Variants in PIWIL1 observed in about 807,000 individuals in gnomAD.
PIWIL1 encodes piwi-like protein 1.
A neutral mutation model predicts 114.4 loss-of-function variants in PIWIL1; 73 were observed. That is an observed-to-expected ratio of 0.64 (90% CI 0.53 to 0.78). The LOEUF is 0.78. PIWIL1 is among the 30% of genes least tolerant of loss of function. The probability of loss-of-function intolerance (pLI) is 0.00; values close to 1 mark genes in which losing one functional copy is unlikely to be tolerated. For synonymous variants in PIWIL1, 375 were observed against 369.0 expected (o/e 1.02, Z -0.19); for missense variants, 723 against 1,063.1 (o/e 0.68, Z 4.45).
chr12:130,399,950 G>A, the PIWIL1 span: 2 of 983,250 alleles, frequency 2.0e-6, no homozygotes, highest in Non-Finnish European at 2.9e-6. Flanking sequence ...GACTTGAAAG[G>A]ACTCTAAATC....
At chr12:130,422,657 GTAAAGGCAAC>G in the PIWIL1 span, 6 of 857,264 alleles carry the variant, frequency 7.0e-6, no homozygotes, top group African/African-American at 1.7e-5. This position sits in a 1 kb window ranked among gnomAD's most constrained non-coding sequence, Gnocchi z 5.2. Flanking sequence ...AGCAGAATCT[GTAAAGGCAAC>G]TAAACTTAGC....
chr12:130,371,714 T>C lies in PIWIL1; in HGVS notation c.*116T>C, dbSNP rs1193847392. On this transcript the variant is annotated 3_prime_UTR_variant, in exon 21 of 21. Coordinates refer to ENST00000245255, the MANE Select transcript of PIWIL1 (RefSeq NM_004764.5). ...TCTGGATGAAACTTGGGAAGGGGATTAGGAGATCTAGCATTTTATTTCTAG... is the reference window on the plus strand; with the variant it reads ...TCTGGATGAAACTTGGGAAGGGGATCAGGAGATCTAGCATTTTATTTCTAG... The C allele has an allele frequency of 3.3e-6, 2 of 604,496 alleles. No homozygotes were observed. The highest frequency in any genetic ancestry group is 3.8e-5 in the African/African-American group (2 of 53,054). 37.4% of individuals were successfully genotyped at this position (604,496 alleles called of 1,614,324 possible).
At chr12:130,416,453 G>T in the PIWIL1 span, among the ~76,000 whole-genome samples, 977 of 152,278 alleles carry the variant, frequency 6.4e-3, 29 homozygotes, top group Admixed American at 0.054. Context: ...TGACAAAGCT[G>T]AGAAAAATAA....
intron 3 of PIWIL1, among the ~76,000 whole-genome samples, chr12:130,343,704 C>A (rs1345581552): frequency 6.7e-6 from 1 of 149,060 alleles, no homozygotes; most frequent in Non-Finnish European, 1.5e-5. Context: ...CTGCTCACTG[C>A]AGACTCCACC....
chr12:130,374,383 A>G (rs2073850362), downstream of PIWIL1, among the ~76,000 whole-genome samples: 1 of 152,260 alleles, frequency 6.6e-6, no homozygotes, highest in African/African-American at 2.4e-5. Context: ...ATTCAGATAC[A>G]AGATTTCAAA....
chr12:130,376,242 TTTTG>T (rs2073865383), downstream of PIWIL1, among the ~76,000 whole-genome samples: 1 of 152,206 alleles, frequency 6.6e-6, no homozygotes, highest in Non-Finnish European at 1.5e-5. Flanking sequence ...GACACAGAGA[TTTTG>T]TTTATGTGAA....
downstream of PIWIL1, among the ~76,000 whole-genome samples, chr12:130,374,367 A>G (rs1273132427): frequency 6.6e-6 from 1 of 152,202 alleles, no homozygotes; most frequent in Non-Finnish European, 1.5e-5. Flanking sequence ...TGTAATTGGT[A>G]TTGTCATTCA....
chr12:130,390,591 A>G, the PIWIL1 span, among the ~76,000 whole-genome samples: 1 of 152,186 alleles, frequency 6.6e-6, no homozygotes, highest in South Asian at 2.1e-4. Flanking sequence ...CTTTGGAATT[A>G]GAGCTTGGGC....
At chr12:130,360,326 C>T (rs2073473280) in intron 14 of PIWIL1, among the ~76,000 whole-genome samples, 1 of 152,116 alleles carries the variant, frequency 6.6e-6, no homozygotes, top group Non-Finnish European at 1.5e-5. Context: ...AATTGGAGAA[C>T]ATGGCAATGA....
chr12:130,361,720 C>T (rs1025569407), intron 16 of PIWIL1, 119 bp downstream of exon 16: 15 of 736,366 alleles, frequency 2.0e-5, no homozygotes, highest in Middle Eastern at 3.3e-4. Context: ...TATACAGCAA[C>T]GAATTTAGGA....
the PIWIL1 span, chr12:130,397,408 G>A: frequency 2.5e-6 from 1 of 399,072 alleles, no homozygotes; most frequent in Non-Finnish European, 4.4e-6. Context: ...CCTTTGGAAA[G>A]CAGCCCCTTT....
intron 13 of PIWIL1, 51 bp downstream of exon 13, chr12:130,357,156 G>T: frequency 1.4e-6 from 2 of 1,446,236 alleles, no homozygotes; most frequent in Non-Finnish European, 1.9e-6. Context: ...CAGTCATTTG[G>T]AGGGGTGGGA....
chr12:130,383,078 A>G, the PIWIL1 span, among the ~76,000 whole-genome samples: 2 of 152,354 alleles, frequency 1.3e-5, no homozygotes, highest in African/African-American at 4.8e-5. Context: ...CAGCTTTTAT[A>G]TATCAAGTCT....
At chr12:130,361,660 T>C (rs2073512473) in intron 16 of PIWIL1, 59 bp downstream of exon 16, 1 of 1,308,920 alleles carries the variant, frequency 7.6e-7, no homozygotes, top group Non-Finnish European at 1.1e-6. Flanking sequence ...GTTCTGGAGG[T>C]TCAGGAGTAG....
chr12:130,361,168 C>T lies in PIWIL1; in HGVS notation c.1666-12C>T. On this transcript the variant is annotated splice_polypyrimidine_tract_variant and intron_variant, in intron 14 of 20. Coordinates refer to ENST00000245255, the MANE Select transcript of PIWIL1 (RefSeq NM_004764.5). The stretch of plus-strand genomic sequence containing the variant: ...CTCCTAATTCTTTGTAACAAGGGCA[C>T]TTTGTTTTCAGGTTGTCTGTCTGTT... The T allele has an allele frequency of 1.2e-6, 2 of 1,613,740 alleles. No homozygotes were observed. Among genetic ancestry groups the T allele is most frequent in the South Asian group, 2.2e-5 (2 of 91,000 alleles).
chr12:130,415,949 T>C, the PIWIL1 span, among the ~76,000 whole-genome samples: 7 of 141,046 alleles, frequency 5.0e-5, no homozygotes, highest in Admixed American at 3.5e-4. Context: ...TGCAATCCCA[T>C]TGACAATAGC....
At chr12:130,373,832 C>T (rs1461374140), downstream of PIWIL1, among the ~76,000 whole-genome samples, 4 of 152,298 alleles carry the variant, frequency 2.6e-5, no homozygotes, top group South Asian at 2.1e-4. Context: ...TGAGCCACAC[C>T]GAGTACACGG....
At chr12:130,393,630 T>A in the PIWIL1 span, among the ~76,000 whole-genome samples, 1 of 152,094 alleles carries the variant, frequency 6.6e-6, no homozygotes, top group African/African-American at 2.4e-5. Flanking sequence ...GATGAATAGC[T>A]ATGATTTCAC....
the PIWIL1 span, among the ~76,000 whole-genome samples, chr12:130,400,211 T>C: frequency 1.3e-5 from 2 of 152,166 alleles, no homozygotes; most frequent in Non-Finnish European, 2.9e-5. Flanking sequence ...AGACCAATGA[T>C]GGACACCTTC....
Sources: gnomAD v4.1 joint callset for allele counts (sites outside exome capture counted in the v4.1 genomes callset) on GRCh38, gnomAD v4.1.1 for gene constraint, Gnocchi (gnomAD v3.1) non-coding constraint, MANE v1.5 for transcripts, NCBI Gene and HGNC (gene_info 2026-07-23, HGNC 2026-07-21) for gene names.